Variants in SLF1 observed in about 807,000 individuals in gnomAD.
The protein encoded by SLF1 is SMC5/6 complex localization factor 1.
SLF1 carries 105 observed loss-of-function variants against 123.0 expected under a neutral mutation model. That is an observed-to-expected ratio of 0.85 (90% confidence interval 0.73 to 1.00). The LOEUF (loss-of-function observed/expected upper bound fraction) is 1.00. SLF1 is among the 50% of genes least tolerant of loss of function. The pLI is 0.00. For missense variants in SLF1, 1,239 were observed against 1,223.0 expected (o/e 1.01, Z -0.20); for synonymous variants, 434 against 406.6 (o/e 1.07, Z -0.81).
Position 94,651,839 on chromosome 5 carries a change from A to T in SLF1, c.876A>T (p.Glu292Asp). Residue 292 changes from glutamate to aspartate, a missense_variant, in exon 7 of 21, where the codon GAA becomes GAT. Physicochemically the swap from Glu to Asp is conservative, Grantham distance 45. Coordinates refer to ENST00000265140, the MANE Select transcript of SLF1 (RefSeq NM_032290.4). Reference sequence around the variant, plus strand: ...ATACCTTTGGAAGCCATACATATGAAAATCAGGTACAACTTTCCAAATTAA... The same window carrying T: ...ATACCTTTGGAAGCCATACATATGATAATCAGGTACAACTTTCCAAATTAA... ...MRNTFGSHTY[E>D]NQKEIKKKDE... is the part of the protein sequence containing the mutation. The T allele has an allele frequency of 7.1e-7, 1 of 1,398,794 alleles. No individual in the cohort carries two copies. The highest frequency in any genetic ancestry group is 9.5e-7 in the Non-Finnish European group (1 of 1,049,580). The allele number at this position is 1,398,794 out of a possible 1,614,324, so 86.6% of individuals were successfully genotyped here.
At chr5:94,619,539 A>G (rs1189902499) in intron 1 of SLF1, among the ~76,000 whole-genome samples, 1 of 152,120 alleles carries the variant, frequency 6.6e-6, no homozygotes, top group African/African-American at 2.4e-5. Context: ...TCATTATTTG[A>G]CTCAGGAGTT....
At chr5:94,660,609 G>T (rs911065199) in intron 9 of SLF1, among the ~76,000 whole-genome samples, 8 of 152,170 alleles carry the variant, frequency 5.3e-5, no homozygotes, top group African/African-American at 1.7e-4. Context: ...GTGGCGGGTG[G>T]GGTAGGCCTG....
At chr5:94,629,784 G>A (rs994592529) in intron 3 of SLF1, 18 of 152,128 alleles carry the variant, frequency 1.2e-4, no homozygotes, top group African/African-American at 3.9e-4. Context: ...ACTTGCATTC[G>A]TTTTTAACTT....
chr5:94,678,921 T>C lies in SLF1; in HGVS notation c.1941T>C (p.Asp647=), dbSNP rs767814402. The change falls in exon 15 of 21, where the codon GAT becomes GAC. Residue 647 remains aspartate (D), a synonymous_variant. Coordinates refer to ENST00000265140, the MANE Select transcript of SLF1 (RefSeq NM_032290.4). Reference sequence around the variant, plus strand: ...GAAATGTGATGCGACACATGTCTGATGACTTAGGAAGTTATGTTTCTCTTT... The same window carrying C: ...GAAATGTGATGCGACACATGTCTGACGACTTAGGAAGTTATGTTTCTCTTT... ...MGRNVMRHMS[D]DLGSYVSLSC... 5.0e-6 allele frequency: 8 copies of C among 1,613,696 alleles called. No homozygotes were observed. The East Asian group carries it at 1.8e-4, about 36-fold the overall frequency.
Position 94,639,907 on chromosome 5 carries a change from G to C in SLF1, c.432-3366G>C, listed in dbSNP as rs76834183. On this transcript the variant is annotated intron_variant, in intron 4 of 20. Transcript: ENST00000265140. ...CTTGGTGTGTAACTTTTGTGGACCT[G>C]TGTTGTTCACGGGTCAACTGTATTT... Among the ~76,000 whole-genome samples the C allele has an allele frequency of 4.1e-3, 626 of 152,236 alleles. 4 individuals are homozygous for C. The highest frequency in any genetic ancestry group is 0.015 in the African/African-American group (605 of 41,532).
At chr5:94,673,925 A>T (rs11951121) in intron 14 of SLF1, among the ~76,000 whole-genome samples, 2,313 of 152,226 alleles carry the variant, frequency 0.015, 58 homozygotes, top group African/African-American at 0.052. Context: ...TTATTTAACA[A>T]TAACCAGGTG....
chr5:94,637,761 G>A (rs1224343567), intron 4 of SLF1, among the ~76,000 whole-genome samples: 1 of 152,076 alleles, frequency 6.6e-6, no homozygotes, highest in African/African-American at 2.4e-5. Flanking sequence ...TGTGTGTTAA[G>A]GCTGTACTGA....
chr5:94,637,812 G>A (rs993753685), intron 4 of SLF1, among the ~76,000 whole-genome samples: 3 of 152,092 alleles, frequency 2.0e-5, no homozygotes, highest in Non-Finnish European at 4.4e-5. Flanking sequence ...CCACTCTGCC[G>A]AAATGCAGTG....
chr5:94,655,085 CT>C lies in SLF1; in HGVS notation c.1155+336del, dbSNP rs1235445137. On this transcript the variant is annotated intron_variant, in intron 9 of 20. Transcript: ENST00000265140. ...ATAGTTTCAGGTTTTACCTGGAAGT[CT>C]TTAATTCATTTTGAGTTGATTTTTG... 2.0e-4 allele frequency among the ~76,000 whole-genome samples: 30 copies of C among 152,134 alleles called. 1 individual carries two copies. The highest frequency in any genetic ancestry group is 2.0e-3 in the Admixed American group (30 of 15,270).
intron 18 of SLF1, among the ~76,000 whole-genome samples, chr5:94,690,390 A>G (rs1226124310): frequency 3.3e-5 from 5 of 152,330 alleles, no homozygotes; most frequent in East Asian, 3.9e-4. Flanking sequence ...ACAGATTCAA[A>G]ATAACTGTCC....
At chr5:94,685,509 A>G (rs1752312998) in intron 15 of SLF1, among the ~76,000 whole-genome samples, 1 of 151,474 alleles carries the variant, frequency 6.6e-6, no homozygotes, top group Non-Finnish European at 1.5e-5. Context: ...TCATTATGTT[A>G]CATAGAGAAT....
Position 94,665,973 on chromosome 5 carries a change from A to G in SLF1, c.1481A>G (p.Gln494Arg), listed in dbSNP as rs1561456208. 5 of 1,551,252 alleles carry G rather than the reference A, an allele frequency of 3.2e-6. No individual in the cohort carries two copies. The highest frequency in any genetic ancestry group is 4.4e-6 in the Non-Finnish European group (5 of 1,146,808). The change falls in exon 12 of 21, where the codon CAG becomes CGG. Residue 494 changes from glutamine to arginine, a missense_variant. Physicochemically the swap from Gln to Arg is conservative, Grantham distance 43. Coordinates refer to ENST00000265140, the MANE Select transcript of SLF1 (RefSeq NM_032290.4). ...TCGAGATATTATTTAGAGTTGTTTC[A>G]GTGTCCAACTTGTATGAAAGGAGCA... is the stretch of plus-strand genomic sequence containing the variant. ...AMSRYYLELF[Q>R]CPTCMKGAWS...
chr5:94,680,630 T>C (rs1350615021), intron 15 of SLF1, among the ~76,000 whole-genome samples: 2 of 152,230 alleles, frequency 1.3e-5, no homozygotes, highest in African/African-American at 4.8e-5. Context: ...AGATGTCTTG[T>C]TTCCAATACA....
Position 94,665,843 on chromosome 5 carries a change from T to C in SLF1, c.1369-18T>C, listed in dbSNP as rs1198674849. The C allele has an allele frequency of 2.6e-6, 4 of 1,525,092 alleles. No homozygotes were observed. The highest frequency in any genetic ancestry group is 3.6e-6 in the Non-Finnish European group (4 of 1,126,224). 94.5% of individuals were successfully genotyped at this position (1,525,092 alleles called of 1,614,324 possible). ...TTAGCTATAGTGTTTTATTTGTTTG[T>C]TTATTTTTAAATAATAGGATAACAT... is the stretch of plus-strand genomic sequence containing the variant. On this transcript the variant is annotated intron_variant, in intron 11 of 20. Transcript: ENST00000265140.
chr5:94,655,291 G>A (rs1427027444), intron 9 of SLF1, among the ~76,000 whole-genome samples: 1 of 151,988 alleles, frequency 6.6e-6, no homozygotes, highest in African/African-American at 2.4e-5. Flanking sequence ...TGGTCTATAT[G>A]TCTGTTTTTA....
chr5:94,623,386 A>G lies in SLF1; in HGVS notation c.-1+4621A>G, dbSNP rs548717852. Among the ~76,000 whole-genome samples the G allele has an allele frequency of 9.8e-5, 15 of 152,314 alleles. No individual in the cohort carries two copies. The East Asian group carries it at 2.7e-3, about 27-fold the overall frequency. On this transcript the variant is annotated intron_variant, in intron 1 of 20. Coordinates refer to ENST00000265140, the MANE Select transcript of SLF1 (RefSeq NM_032290.4). ...ATAAGATTTTAATAATTACTACAAA[A>G]GGACATTTTCTCATAACCAAGAATG...
chr5:94,621,399 A>G (rs1791773163), intron 1 of SLF1, among the ~76,000 whole-genome samples: 1 of 152,194 alleles, frequency 6.6e-6, no homozygotes, highest in African/African-American at 2.4e-5. Context: ...TTATGTTGTG[A>G]AGAAGGAAAT....
intron 9 of SLF1, among the ~76,000 whole-genome samples, chr5:94,659,617 T>C (rs768988879): frequency 1.3e-5 from 2 of 152,200 alleles, no homozygotes; most frequent in Non-Finnish European, 2.9e-5. Flanking sequence ...ATCTTTGAGT[T>C]TGTCAGTGGC....
At chr5:94,680,461 GTTT>G (rs1227497794) in intron 15 of SLF1, among the ~76,000 whole-genome samples, 2 of 152,038 alleles carry the variant, frequency 1.3e-5, no homozygotes, top group Non-Finnish European at 2.9e-5. Flanking sequence ...TAGTTTAGTG[GTTT>G]TTATCCTTTT....
Sources: gnomAD v4.1 joint callset for allele counts (sites outside exome capture counted in the v4.1 genomes callset) on GRCh38, gnomAD v4.1.1 for gene constraint, MANE v1.5 for transcripts, NCBI Gene and HGNC (gene_info 2026-07-23, HGNC 2026-07-21) for gene names.